ZDHHC6: variants seen among roughly 807,000 people sequenced by gnomAD.
The protein encoded by ZDHHC6 is palmitoyltransferase ZDHHC6.
Under a neutral mutation model 57.8 loss-of-function variants are expected in ZDHHC6, and 32 were observed. That is an observed-to-expected ratio of 0.55 (90% CI 0.42 to 0.74). The LOEUF is 0.74. ZDHHC6 is among the 30% of genes least tolerant of loss of function. The pLI, the probability that ZDHHC6 is intolerant of heterozygous loss-of-function variation, is 0.00. For missense variants in ZDHHC6, 433 were observed against 500.7 expected (o/e 0.86, Z 1.29); for synonymous variants, 128 against 158.0 (o/e 0.81, Z 1.42).
downstream of ZDHHC6, chr10:112,428,477 T>C (rs1844823302): frequency 5.0e-6 from 2 of 398,440 alleles, no homozygotes; most frequent in Non-Finnish European, 8.8e-6. Context: ...TAAACTTGGG[T>C]ACACAATAGA....
chr10:112,441,088 C>T (rs1270258630), intron 4 of ZDHHC6, among the ~76,000 whole-genome samples: 1 of 152,180 alleles, frequency 6.6e-6, no homozygotes, highest in African/African-American at 2.4e-5. Flanking sequence ...TTGTGACCCA[C>T]ACCGCCTCAG....
intron 5 of ZDHHC6, among the ~76,000 whole-genome samples, chr10:112,439,899 G>A (rs1373539152): frequency 6.6e-6 from 1 of 151,964 alleles, no homozygotes; most frequent in Non-Finnish European, 1.5e-5. Flanking sequence ...CTTTATCATA[G>A]GGCTGTTATG....
intron 10 of ZDHHC6, 56 bp downstream of exon 10, chr10:112,432,184 A>G: frequency 6.5e-7 from 1 of 1,526,784 alleles, no homozygotes; most frequent in East Asian, 2.3e-5. Context: ...TTCTTGTAAA[A>G]TTTGGAATTA....
intron 4 of ZDHHC6, among the ~76,000 whole-genome samples, chr10:112,441,076 C>T (rs1846075491): frequency 6.6e-6 from 1 of 152,124 alleles, no homozygotes; most frequent in Non-Finnish European, 1.5e-5. Flanking sequence ...GAACTCCTGA[C>T]CTTGTGACCC....
In ZDHHC6 at chr10:112,443,209, T is replaced by A. The variant is rs1328455233; in HGVS notation, c.359+306A>T. Among the ~76,000 whole-genome samples the A allele has an allele frequency of 2.0e-5, 3 of 152,216 alleles. No homozygotes were observed. In the East Asian group the frequency reaches 5.8e-4, roughly 29 times the overall value. ...GATGGCAGCTGACTAACACAATTAA[T>A]CTTGATATATGGAAACAAACTTAAG... On this transcript the variant is annotated intron_variant, in intron 3 of 10. Transcript: ENST00000369405.
At chr10:112,433,360 AGAGT>A in intron 7 of ZDHHC6, 79 bp from the exon 8 acceptor site, 1 of 1,202,454 alleles carries the variant, frequency 8.3e-7, no homozygotes, top group Non-Finnish European at 1.1e-6. Flanking sequence ...ATCAACTGTC[AGAGT>A]GATATGGCAA....
At chr10:112,435,012 T>G (rs2133807584) in intron 6 of ZDHHC6, among the ~76,000 whole-genome samples, 1 of 152,358 alleles carries the variant, frequency 6.6e-6, no homozygotes, top group South Asian at 2.1e-4. Context: ...ATGAAAAACA[T>G]TTTTTAAAGC....
In ZDHHC6 at chr10:112,440,091, AATCAAT is replaced by A. The variant is rs1845963220; in HGVS notation, c.681+437_681+442del. Among the ~76,000 whole-genome samples, 3 of 148,200 alleles carry A rather than the reference AATCAAT, an allele frequency of 2.0e-5. No homozygotes were observed. The South Asian group carries it at 6.9e-4, about 34-fold the overall frequency. ...GGGTAAGTCACTTAACCTTTTTGAG[AATCAAT>A]GAATTAATCATCTGTCGGGAAGGGA... On this transcript the variant is annotated intron_variant, in intron 5 of 10. Coordinates refer to ENST00000369405, the MANE Select transcript of ZDHHC6 (RefSeq NM_022494.3).
Position 112,440,583 on chromosome 10 carries a change from C to A in ZDHHC6, c.632G>T (p.Gly211Val). ...AGCTATGGTTGTTCCTAAAGCTAATCCCAAGGCAAACAAGGTGGTAGCAAA... is the reference window on the plus strand; with the variant it reads ...AGCTATGGTTGTTCCTAAAGCTAATACCAAGGCAAACAAGGTGGTAGCAAA... ...AAFATTLFAL[G>V]LALGTTIAVG... is the part of the protein sequence containing the mutation. Residue 211 changes from glycine (G) to valine (V), a missense_variant, in exon 5 of 11, where the codon GGA becomes GTA. Gly to Val is a moderately radical substitution (Grantham distance 109). Coordinates refer to ENST00000369405, the MANE Select transcript of ZDHHC6 (RefSeq NM_022494.3). 1 of 1,614,010 alleles carries A rather than the reference C, an allele frequency of 6.2e-7. No individual in the cohort carries two copies. The highest frequency in any genetic ancestry group is 8.5e-7 in the Non-Finnish European group (1 of 1,179,938).
intron 8 of ZDHHC6, among the ~76,000 whole-genome samples, chr10:112,433,017 T>C (rs1205280159): frequency 6.6e-6 from 1 of 152,234 alleles, no homozygotes; most frequent in Admixed American, 6.5e-5. Flanking sequence ...ATAATTATTT[T>C]CCTATGTTGG....
intron 6 of ZDHHC6, among the ~76,000 whole-genome samples, chr10:112,436,247 G>C (rs1322460115): frequency 6.6e-6 from 1 of 152,214 alleles, no homozygotes; most frequent in Admixed American, 6.5e-5. Context: ...GGCCAAGGCG[G>C]GTGGATTACT....
At chr10:112,442,127 G>A (rs772498431) in intron 4 of ZDHHC6, 65 bp downstream of exon 4, 5 of 1,461,120 alleles carry the variant, frequency 3.4e-6, no homozygotes, top group Non-Finnish European at 4.5e-6. Flanking sequence ...CCTCTTAAAT[G>A]TTGATAACTA....
chr10:112,435,732 G>C (rs1466706971), intron 6 of ZDHHC6, among the ~76,000 whole-genome samples: 1 of 152,076 alleles, frequency 6.6e-6, no homozygotes, highest in Non-Finnish European at 1.5e-5. Context: ...TATAAACACA[G>C]CTTCAGAGTC....
At chr10:112,431,006 G>T in intron 10 of ZDHHC6, 99 bp from the exon 11 acceptor site, 1 of 979,248 alleles carries the variant, frequency 1.0e-6, no homozygotes, top group South Asian at 1.6e-5. Context: ...TAAGCTTGTA[G>T]TTAGACTTTT....
chr10:112,436,803 T>C (rs78303228), intron 6 of ZDHHC6, among the ~76,000 whole-genome samples: 4,783 of 152,324 alleles, frequency 0.031, 253 homozygotes, highest in African/African-American at 0.11. Context: ...AAAATTGTTT[T>C]TAAATATTAA....
chr10:112,425,448 G>A, downstream of ZDHHC6: 3 of 1,612,916 alleles, frequency 1.9e-6, no homozygotes, highest in Non-Finnish European at 2.5e-6. Context: ...GTCAACCAGT[G>A]TTACAAATTT....
At chr10:112,442,908 A>G (rs1206760416) in intron 3 of ZDHHC6, among the ~76,000 whole-genome samples, 1 of 127,326 alleles carries the variant, frequency 7.9e-6, no homozygotes, top group Non-Finnish European at 1.8e-5. Flanking sequence ...TGTTGATAGA[A>G]GACAATGTTT....
At position 112,434,572 on chromosome 10, in the gene ZDHHC6, C is replaced by A. The variant is rs1233910060; in HGVS notation, c.736-108G>T. ...CAAGTTTCTAACATTCATAAAAATA[C>A]TTCCTCCTTGCTGTAATATTAGTGT... is the stretch of plus-strand genomic sequence containing the variant. On this transcript the variant is annotated intron_variant, in intron 6 of 10. Coordinates refer to ENST00000369405, the MANE Select transcript of ZDHHC6 (RefSeq NM_022494.3). 1.2e-5 allele frequency: 14 copies of A among 1,144,768 alleles called. No individual in the cohort carries two copies. In the East Asian group the frequency reaches 3.3e-4, roughly 27 times the overall value. 70.9% of individuals were successfully genotyped at this position (1,144,768 alleles called of 1,614,324 possible).
rs141870401 is a variant in ZDHHC6 at position 112,439,063 on chromosome 10, C to G, written c.682-674G>C. ...AGATTATTTTAAAACCAAGAGTTCC[C>G]TTAAAGTCTGGCTGTGCCTTCAGAG... On this transcript the variant is annotated intron_variant, in intron 5 of 10. Transcript: ENST00000369405. Among the ~76,000 whole-genome samples, 1,157 of 152,224 alleles carry G rather than the reference C, an allele frequency of 7.6e-3. 13 individuals carry two copies. Among genetic ancestry groups the G allele is most frequent in the African/African-American group, 0.026 (1,092 of 41,546 alleles).
Sources: allele counts gnomAD v4.1 joint callset (sites outside exome capture counted in the v4.1 genomes callset), GRCh38; gene constraint gnomAD v4.1.1; transcripts MANE v1.5; gene names NCBI Gene and HGNC (gene_info 2026-07-23, HGNC 2026-07-21).